Variants in LARGE1 observed in about 807,000 individuals in gnomAD.
LARGE1 encodes LARGE xylosyl- and glucuronyltransferase 1.
Under a neutral mutation model 87.6 loss-of-function variants are expected in LARGE1, and 43 were observed. The observed-to-expected ratio is 0.49, with a 90% CI of 0.38 to 0.63. The LOEUF is 0.63. Among genes scored for constraint, LARGE1 ranks in the 30% least tolerant of loss-of-function variants. The pLI is 0.00. For synonymous variants in LARGE1, 434 were observed against 394.6 expected, an observed-to-expected ratio of 1.10 and a Z score of -1.18; for missense variants, 802 against 1,000.2, an observed-to-expected ratio of 0.80 and a Z score of 2.67.
intron 7 of LARGE1, among the ~76,000 whole-genome samples, chr22:33,390,178 TA>T (rs1424526055): frequency 6.6e-6 from 1 of 152,220 alleles, no homozygotes; most frequent in Non-Finnish European, 1.5e-5. Context: ...GTTTACTAAA[TA>T]TACCACTCTC....
chr22:33,244,129 C>T (rs981321104), intron 11 of LARGE1, among the ~76,000 whole-genome samples: 3 of 151,888 alleles, frequency 2.0e-5, no homozygotes, highest in Non-Finnish European at 4.4e-5. Flanking sequence ...GCTGGGATTA[C>T]AGGCACCCGC....
At chr22:33,682,065 G>A (rs144651412) in intron 2 of LARGE1, among the ~76,000 whole-genome samples, 152 of 152,290 alleles carry the variant, frequency 1.0e-3, no homozygotes, top group African/African-American at 3.4e-3. Flanking sequence ...GGTGTGGTGC[G>A]TGGACACTGC....
In LARGE1 at chr22:33,690,728, C is replaced by A. The variant is rs568636824; in HGVS notation, c.107-40060G>T. On this transcript the variant is annotated intron_variant, in intron 2 of 14. Transcript: ENST00000397394. ...CCCGAGGCCCACTTGACAAAGGCAG[C>A]CAAGGTGGAGGCTGGCTTGGGGGCT... Among the ~76,000 whole-genome samples the A allele has an allele frequency of 5.9e-5, 9 of 152,032 alleles. 1 individual carries two copies. The highest frequency in any genetic ancestry group is 1.9e-4 in the African/African-American group (8 of 41,476).
intron 11 of LARGE1, among the ~76,000 whole-genome samples, chr22:33,261,999 G>C (rs1927652960): frequency 1.3e-5 from 2 of 152,208 alleles, no homozygotes; most frequent in African/African-American, 4.8e-5. Context: ...AAAAATAACG[G>C]ATAAAGAAAG....
At chr22:33,454,434 A>G (rs1219090625) in intron 6 of LARGE1, among the ~76,000 whole-genome samples, 1 of 151,920 alleles carries the variant, frequency 6.6e-6, no homozygotes, top group Non-Finnish European at 1.5e-5. Context: ...CCTGGCCAAC[A>G]TGGTGAAATC....
chr22:33,405,787 C>G (rs945547759), intron 7 of LARGE1, among the ~76,000 whole-genome samples: 2 of 152,170 alleles, frequency 1.3e-5, no homozygotes, highest in African/African-American at 4.8e-5. Flanking sequence ...CAATGCTGAA[C>G]GAAAAGTCAG....
intron 11 of LARGE1, among the ~76,000 whole-genome samples, chr22:33,172,985 T>G (rs1282900412): frequency 6.6e-6 from 1 of 152,048 alleles, no homozygotes; most frequent in Non-Finnish European, 1.5e-5. Flanking sequence ...CAGGCCAACA[T>G]TCAAATTCAG....
intron 1 of LARGE1, among the ~76,000 whole-genome samples, chr22:33,878,154 T>TTTTTTTTTTTTTTTTTTTGA: frequency 7.4e-6 from 1 of 136,030 alleles, no homozygotes; most frequent in East Asian, 2.2e-4. Context: ...TTTTTTTTTT[T>TTTTTTTTTTTTTTTTTTTGA]AGAGACAGAG....
chr22:33,262,180 G>A (rs1009516486), intron 11 of LARGE1, among the ~76,000 whole-genome samples: 9 of 152,162 alleles, frequency 5.9e-5, no homozygotes, highest in African/African-American at 7.2e-5. Context: ...TGGCTTCACC[G>A]TCACCCGGCT....
chr22:33,501,591 T>C (rs1042966437), intron 6 of LARGE1, among the ~76,000 whole-genome samples: 2 of 152,172 alleles, frequency 1.3e-5, no homozygotes, highest in African/African-American at 2.4e-5. Context: ...TTGGAATTGT[T>C]AGGAAATGAT....
intron 9 of LARGE1, among the ~76,000 whole-genome samples, chr22:33,378,266 A>C (rs2065047907): frequency 1.3e-5 from 2 of 152,198 alleles, no homozygotes; most frequent in Admixed American, 1.3e-4. Flanking sequence ...TTCAGCCCCC[A>C]AAATAATATG....
At chr22:33,388,970 C>T (rs1021240411) in intron 7 of LARGE1, among the ~76,000 whole-genome samples, 2 of 152,202 alleles carry the variant, frequency 1.3e-5, no homozygotes, top group Admixed American at 6.5e-5. Context: ...ACATAAGACA[C>T]GTACATCATT....
At chr22:33,749,144 C>T (rs533243918) in intron 2 of LARGE1, among the ~76,000 whole-genome samples, 108 of 152,266 alleles carry the variant, frequency 7.1e-4, no homozygotes, top group Non-Finnish European at 1.3e-3. Flanking sequence ...GATGGAGTTT[C>T]GCTCTTGTTG....
At chr22:33,787,020 CAA>C (rs1184293115) in intron 1 of LARGE1, among the ~76,000 whole-genome samples, 45 of 77,084 alleles carry the variant, frequency 5.8e-4, no homozygotes, top group East Asian at 7.3e-4. Context: ...GACTCCATTT[CAA>C]AAAAAAAAAA....
intron 4 of LARGE1, among the ~76,000 whole-genome samples, chr22:33,625,266 A>G (rs2079884894): frequency 1.3e-5 from 2 of 152,204 alleles, no homozygotes; most frequent in Admixed American, 1.3e-4. Flanking sequence ...CATGAACACC[A>G]TTCTGGATAG....
At chr22:33,167,787 C>CAGG (rs1922350711) in intron 11 of LARGE1, among the ~76,000 whole-genome samples, 1 of 152,154 alleles carries the variant, frequency 6.6e-6, no homozygotes, top group Non-Finnish European at 1.5e-5. Flanking sequence ...CCAGCTAAGC[C>CAGG]TTGGAGTACA....
At chr22:33,069,893 T>A in the LARGE1 span, among the ~76,000 whole-genome samples, 2 of 150,190 alleles carry the variant, frequency 1.3e-5, no homozygotes, top group African/African-American at 4.9e-5. Flanking sequence ...TCTTGGCTCA[T>A]GGCTCACTGC....
intron 1 of LARGE1, among the ~76,000 whole-genome samples, chr22:33,834,857 A>C (rs2063069388): frequency 6.6e-6 from 1 of 152,224 alleles, no homozygotes; most frequent in Non-Finnish European, 1.5e-5. Flanking sequence ...ACTGGTCTTT[A>C]AGTTTATGAA....
At chr22:33,394,475 G>T (rs2065652265) in intron 7 of LARGE1, among the ~76,000 whole-genome samples, 1 of 152,150 alleles carries the variant, frequency 6.6e-6, no homozygotes, top group African/African-American at 2.4e-5. Context: ...TGGGATTACA[G>T]GTGTGACCCA....
Sources: gnomAD v4.1 joint callset for allele counts (sites outside exome capture counted in the v4.1 genomes callset) on GRCh38, gnomAD v4.1.1 for gene constraint, MANE v1.5 for transcripts, NCBI Gene and HGNC (gene_info 2026-07-23, HGNC 2026-07-21) for gene names.